Variants in ITGA8 observed in about 807,000 individuals in gnomAD.
ITGA8 encodes integrin subunit alpha 8, also known as integrin alpha-8.
A neutral mutation model predicts 142.3 loss-of-function variants in ITGA8; 91 were observed. That is an observed-to-expected ratio of 0.64 (90% CI 0.54 to 0.76). The LOEUF is 0.76. ITGA8 is among the 30% of genes least tolerant of loss of function. ITGA8 has a pLI of 0.00. For missense variants in ITGA8, 1,406 were observed against 1,327.7 expected (o/e 1.06, Z -0.92); for synonymous variants, 505 against 485.2 (o/e 1.04, Z -0.54).
intron 2 of ITGA8, among the ~76,000 whole-genome samples, chr10:15,707,890 A>G (rs369074189): frequency 1.3e-5 from 2 of 151,644 alleles, no homozygotes; most frequent in African/African-American, 4.8e-5. Context: ...GCCACTAAGC[A>G]TGTGGTAATT....
chr10:15,680,794 T>C (rs1834723094), intron 4 of ITGA8, among the ~76,000 whole-genome samples: 1 of 151,398 alleles, frequency 6.6e-6, no homozygotes, highest in Non-Finnish European at 1.5e-5. Context: ...TTTTACAAAA[T>C]ACACTGAGAA....
intron 3 of ITGA8, among the ~76,000 whole-genome samples, chr10:15,685,305 TAACCAAAGG>T (rs1834815618): frequency 6.6e-6 from 1 of 152,182 alleles, no homozygotes; most frequent in Non-Finnish European, 1.5e-5. Context: ...AGGCGGCAAA[TAACCAAAGG>T]GTTAGAAACA....
At chr10:15,671,741 G>T in intron 7 of ITGA8, 94 bp from the exon 8 acceptor site, 3 of 883,356 alleles carry the variant, frequency 3.4e-6, no homozygotes, top group South Asian at 1.5e-5. Flanking sequence ...CCATGGTACT[G>T]CTTTATTTAG....
intron 13 of ITGA8, among the ~76,000 whole-genome samples, 158 bp downstream of exon 13, chr10:15,643,872 G>A (rs1289369616): frequency 6.6e-6 from 1 of 152,208 alleles, no homozygotes; most frequent in African/African-American, 2.4e-5. Flanking sequence ...AAGTTCTCAT[G>A]AAAGTCGCTC....
intron 28 of ITGA8, 62 bp from the exon 29 acceptor site, chr10:15,519,474 T>C (rs1377751520): frequency 4.6e-5 from 71 of 1,540,670 alleles, no homozygotes; most frequent in Non-Finnish European, 5.8e-5. Flanking sequence ...AATAAAATAG[T>C]AATTACCAGT....
At chr10:15,544,430 G>C (rs1564344412) in intron 27 of ITGA8, among the ~76,000 whole-genome samples, 1 of 152,184 alleles carries the variant, frequency 6.6e-6, no homozygotes, top group Non-Finnish European at 1.5e-5. Context: ...CTGACACGTT[G>C]GTTTCAGACT....
At chr10:15,558,348 T>G (rs1833920485) in intron 25 of ITGA8, 146 bp from the exon 26 acceptor site, 1 of 883,860 alleles carries the variant, frequency 1.1e-6, no homozygotes, top group Non-Finnish European at 1.7e-6. Flanking sequence ...AGCAGTGTGT[T>G]TAACAGTGAC....
intron 25 of ITGA8, among the ~76,000 whole-genome samples, chr10:15,566,770 C>G (rs1348535732): frequency 6.7e-6 from 1 of 150,254 alleles, no homozygotes; most frequent in Non-Finnish European, 1.5e-5. Flanking sequence ...AGAGATAGTG[C>G]CACTGCACTC....
intron 25 of ITGA8, among the ~76,000 whole-genome samples, chr10:15,560,339 T>C (rs1833952551): frequency 6.6e-6 from 1 of 152,056 alleles, no homozygotes; most frequent in Admixed American, 6.6e-5. Context: ...GAGGACAGAT[T>C]GGTGGAGGTG....
chr10:15,541,318 G>A (rs776802871), intron 27 of ITGA8, among the ~76,000 whole-genome samples: 12 of 152,190 alleles, frequency 7.9e-5, no homozygotes, highest in Non-Finnish European at 1.2e-4. Context: ...CATGGGCTAA[G>A]CCCCAATTTT....
chr10:15,610,597 G>A (rs914505340), intron 15 of ITGA8, among the ~76,000 whole-genome samples: 1 of 152,164 alleles, frequency 6.6e-6, no homozygotes, highest in Non-Finnish European at 1.5e-5. Flanking sequence ...CAGAAGGCAG[G>A]GTGATACACT....
chr10:15,682,667 C>T (rs1380780462), intron 4 of ITGA8, among the ~76,000 whole-genome samples: 1 of 152,058 alleles, frequency 6.6e-6, no homozygotes. Flanking sequence ...CCAGCCTGGA[C>T]AACATGGCAG....
At chr10:15,580,542 G>A (rs1259847936) in intron 23 of ITGA8, among the ~76,000 whole-genome samples, 2 of 152,092 alleles carry the variant, frequency 1.3e-5, no homozygotes, top group Non-Finnish European at 1.5e-5. Flanking sequence ...CAAAATTTTA[G>A]CAAGTCGAAT....
chr10:15,691,219 G>C lies in ITGA8; in HGVS notation c.344-3181C>G, dbSNP rs569855718. Among the ~76,000 whole-genome samples, 4 of 152,162 alleles carry C rather than the reference G, an allele frequency of 2.6e-5. No homozygotes were observed. In the South Asian group the frequency reaches 6.2e-4, roughly 24 times the overall value. The stretch of plus-strand genomic sequence containing the variant: ...AGTGTTGTGGAGGATATGAAGAAAG[G>C]GACCCCTAGCATACTCCTGGTGGGA... On this transcript the variant is annotated intron_variant, in intron 2 of 29. Transcript: ENST00000378076.
intron 2 of ITGA8, among the ~76,000 whole-genome samples, chr10:15,697,066 C>CACACACACAA (rs537639495): frequency 4.0e-5 from 6 of 151,506 alleles, no homozygotes; most frequent in African/African-American, 1.5e-4. Context: ...CACACACACA[C>CACACACACAA]AAGAAATAGT....
At chr10:15,679,711 G>C (rs1834700090) in intron 4 of ITGA8, among the ~76,000 whole-genome samples, 1 of 152,170 alleles carries the variant, frequency 6.6e-6, no homozygotes, top group African/African-American at 2.4e-5. Flanking sequence ...TTCTAGTAGT[G>C]GCTTATCTTG....
chr10:15,663,234 C>T (rs1834322909), intron 8 of ITGA8, among the ~76,000 whole-genome samples: 1 of 152,136 alleles, frequency 6.6e-6, no homozygotes, highest in African/African-American at 2.4e-5. Flanking sequence ...TGCGATGTTC[C>T]TTGATAGTGC....
At chr10:15,690,701 G>A (rs142128858) in intron 2 of ITGA8, among the ~76,000 whole-genome samples, 9 of 152,226 alleles carry the variant, frequency 5.9e-5, no homozygotes, top group Non-Finnish European at 7.4e-5. Context: ...AAAGATTTCT[G>A]AAACTCTTGC....
chr10:15,680,083 C>A (rs559164268), intron 4 of ITGA8, among the ~76,000 whole-genome samples: 2 of 152,154 alleles, frequency 1.3e-5, no homozygotes, highest in African/African-American at 4.8e-5. Context: ...ACTGGGCATG[C>A]GCCTGTTCAG....
Sources: gnomAD v4.1 joint callset for allele counts (sites outside exome capture counted in the v4.1 genomes callset) on GRCh38, gnomAD v4.1.1 for gene constraint, MANE v1.5 for transcripts, NCBI Gene and HGNC (gene_info 2026-07-23, HGNC 2026-07-21) for gene names.